SLC8A1: variants seen among roughly 807,000 people sequenced by gnomAD.
The protein encoded by SLC8A1 is solute carrier family 8 member A1.
A neutral mutation model predicts 68.3 loss-of-function variants in SLC8A1; 18 were observed. The observed-to-expected ratio is 0.26, with a 90% CI of 0.18 to 0.39. The LOEUF (loss-of-function observed/expected upper bound fraction) is 0.39, where lower values mean the gene tolerates loss of function less well. Among genes scored for constraint, SLC8A1 ranks in the 10% least tolerant of loss-of-function variants. SLC8A1 has a pLI of 1.00. For missense variants in SLC8A1, 985 were observed against 1,156.7 expected (o/e 0.85, Z 2.15); for synonymous variants, 475 against 415.5 (o/e 1.14, Z -1.74).
Position 40,194,361 on chromosome 2 carries a change from C to T in SLC8A1, c.1809-16506G>A, listed in dbSNP as rs111322803. Among the ~76,000 whole-genome samples, 387 of 151,500 alleles carry T rather than the reference C, an allele frequency of 2.6e-3. 6 individuals are homozygous for T. The highest frequency in any genetic ancestry group is 8.3e-3 in the African/African-American group (341 of 41,284). ...AGGAGAACTGGTGAGAGAATTACAA[C>T]CAAGATGATATAATGAAATGAAAAT... On this transcript the variant is annotated intron_variant, in intron 2 of 7. Transcript: ENST00000406785.
chr2:40,179,485 T>G lies in SLC8A1; in HGVS notation c.1809-1630A>C, dbSNP rs2049055287. On this transcript the variant is annotated intron_variant, in intron 2 of 7. Transcript: ENST00000406785. ...TGACTCTGAAAATAAACCAACCTAATGTTACCTTATAATTAATAAGGGCTT... is the reference window on the plus strand; with the variant it reads ...TGACTCTGAAAATAAACCAACCTAAGGTTACCTTATAATTAATAAGGGCTT... 2.0e-5 allele frequency among the ~76,000 whole-genome samples: 3 copies of G among 152,236 alleles called. No homozygotes were observed. In the East Asian group the frequency reaches 5.8e-4, roughly 29 times the overall value.
Position 40,212,281 on chromosome 2 carries a change from A to ATGTTTTTTTTTTTTTTTTTT in SLC8A1, c.1809-34427_1809-34426insAAAAAAAAAAAAAAAAAACA, listed in dbSNP as rs371395367. ...AGGTGCTAAACAGAAGAGATGCAAT[A>ATGTTTTTTTTTTTTTTTTTT]TCTTTTTTTTTTTTTTTTTTCCTGA... On this transcript the variant is annotated intron_variant, in intron 2 of 7. Coordinates refer to ENST00000406785, the Ensembl canonical transcript of SLC8A1. Among the ~76,000 whole-genome samples, 4 of 118,212 alleles carry ATGTTTTTTTTTTTTTTTTTT rather than the reference A, an allele frequency of 3.4e-5. 1 individual carries two copies. The highest frequency in any genetic ancestry group is 5.3e-5 in the Non-Finnish European group (3 of 56,666). 77.6% of individuals were successfully genotyped at this position (118,212 alleles called of 152,430 possible).
intron 1 of SLC8A1, among the ~76,000 whole-genome samples, chr2:40,473,836 C>G (rs950436593): frequency 6.6e-6 from 1 of 152,112 alleles, no homozygotes; most frequent in Non-Finnish European, 1.5e-5. Context: ...GTAGATAACT[C>G]TATTTTGAAG....
chr2:40,307,271 T>C (rs191281835), intron 2 of SLC8A1, among the ~76,000 whole-genome samples: 37 of 152,182 alleles, frequency 2.4e-4, no homozygotes, highest in African/African-American at 7.5e-4. Flanking sequence ...TTTGGAGACA[T>C]TGTGCTAAGT....
At chr2:40,313,604 T>C (rs755936091) in intron 2 of SLC8A1, among the ~76,000 whole-genome samples, 1 of 152,056 alleles carries the variant, frequency 6.6e-6, no homozygotes, top group Non-Finnish European at 1.5e-5. Flanking sequence ...GTTCTTCCTA[T>C]ATTGCCCAGA....
rs138258851 is a variant in SLC8A1 at position 40,379,055 on chromosome 2, C to T, written c.1808+49418G>A. ...TTGTCCATCTTTGTCACTGTTTTACCGCCAGTTTCCAGAATAGCATCTGGC... is the reference window on the plus strand; with the variant it reads ...TTGTCCATCTTTGTCACTGTTTTACTGCCAGTTTCCAGAATAGCATCTGGC... On this transcript the variant is annotated intron_variant, in intron 2 of 7. Transcript: ENST00000406785. 4.2e-3 allele frequency among the ~76,000 whole-genome samples: 636 copies of T among 152,176 alleles called. 2 individuals carry two copies. Among genetic ancestry groups the T allele is most frequent in the Non-Finnish European group, 6.2e-3 (419 of 68,006 alleles).
intron 2 of SLC8A1, among the ~76,000 whole-genome samples, chr2:40,278,241 C>A (rs1201785431): frequency 6.6e-6 from 1 of 152,000 alleles, no homozygotes; most frequent in Non-Finnish European, 1.5e-5. Flanking sequence ...GAGGCCGAGG[C>A]GTGTGGATCA....
At chr2:40,380,373 T>A (rs1681353223) in intron 2 of SLC8A1, among the ~76,000 whole-genome samples, 1 of 152,186 alleles carries the variant, frequency 6.6e-6, no homozygotes, top group Admixed American at 6.5e-5. Context: ...GCCTTTAGCA[T>A]AGGCATTAAT....
intron 1 of SLC8A1, among the ~76,000 whole-genome samples, chr2:40,496,453 T>C (rs575950107): frequency 1.3e-5 from 2 of 152,100 alleles, no homozygotes; most frequent in African/African-American, 2.4e-5. Context: ...AAAATGCTAA[T>C]GGAAGCTTCT....
chr2:40,201,148 A>T (rs1479743467), intron 2 of SLC8A1, among the ~76,000 whole-genome samples: 1 of 151,844 alleles, frequency 6.6e-6, no homozygotes, highest in East Asian at 1.9e-4. Context: ...ATCCATAAAT[A>T]ATGTACTTCT....
chr2:40,353,296 A>G (rs1348530523), intron 2 of SLC8A1, among the ~76,000 whole-genome samples: 1 of 152,120 alleles, frequency 6.6e-6, no homozygotes, highest in Non-Finnish European at 1.5e-5. Flanking sequence ...CAGCTAAAGA[A>G]AAAAATGGAG....
chr2:40,383,239 G>C (rs112723679), intron 2 of SLC8A1, among the ~76,000 whole-genome samples: 2 of 152,012 alleles, frequency 1.3e-5, no homozygotes, highest in East Asian at 3.9e-4. Flanking sequence ...TTGAAATTTG[G>C]AGAGGCTATT....
At chr2:40,187,731 T>G (rs979896473) in intron 2 of SLC8A1, among the ~76,000 whole-genome samples, 2 of 152,228 alleles carry the variant, frequency 1.3e-5, no homozygotes, top group Non-Finnish European at 2.9e-5. Flanking sequence ...GGTTGACTAC[T>G]CGAAAGAGAT....
chr2:40,426,743 C>T (rs886670934), intron 2 of SLC8A1, among the ~76,000 whole-genome samples: 6 of 151,880 alleles, frequency 4.0e-5, no homozygotes, highest in Admixed American at 6.6e-5. Context: ...GTTCATTTAA[C>T]GACATGAAAT....
chr2:40,204,427 G>T (rs554340506), intron 2 of SLC8A1, among the ~76,000 whole-genome samples: 4 of 152,072 alleles, frequency 2.6e-5, no homozygotes, highest in Admixed American at 1.3e-4. Context: ...TGACAACTAT[G>T]TACTGCAATT....
At chr2:40,288,425 C>T (rs1575095722) in intron 2 of SLC8A1, among the ~76,000 whole-genome samples, 1 of 152,256 alleles carries the variant, frequency 6.6e-6, no homozygotes, top group Middle Eastern at 3.4e-3. Flanking sequence ...GGCTTCAGTG[C>T]AACCTCATCA....
At chr2:40,135,549 C>T (rs1282357184) in intron 7 of SLC8A1, among the ~76,000 whole-genome samples, 1 of 152,066 alleles carries the variant, frequency 6.6e-6, no homozygotes, top group Non-Finnish European at 1.5e-5. Flanking sequence ...GAAATCCTCT[C>T]TCTACTAAAA....
At chr2:40,205,865 C>T (rs911766659) in intron 2 of SLC8A1, among the ~76,000 whole-genome samples, 10 of 149,232 alleles carry the variant, frequency 6.7e-5, no homozygotes, top group Non-Finnish European at 1.3e-4. Flanking sequence ...AGGCAACATT[C>T]TATTTCAGTT....
intron 4 of SLC8A1, among the ~76,000 whole-genome samples, chr2:40,168,947 A>G (rs1316405023): frequency 1.3e-5 from 2 of 152,214 alleles, no homozygotes; most frequent in African/African-American, 4.8e-5. Context: ...GCTAAAATCA[A>G]TATTGACAGG....
Sources: allele counts gnomAD v4.1 joint callset (sites outside exome capture counted in the v4.1 genomes callset), GRCh38; gene constraint gnomAD v4.1.1; transcripts MANE v1.5; gene names NCBI Gene and HGNC (gene_info 2026-07-23, HGNC 2026-07-21).